KCNIP4: variants seen among roughly 807,000 people sequenced by gnomAD.
KCNIP4 encodes the protein potassium voltage-gated channel interacting protein 4.
Under a neutral mutation model 34.0 loss-of-function variants are expected in KCNIP4, and 12 were observed. That is an observed-to-expected ratio of 0.35 (90% CI 0.23 to 0.57). The LOEUF (loss-of-function observed/expected upper bound fraction) is 0.57. Among genes scored for constraint, KCNIP4 ranks in the 20% least tolerant of loss-of-function variants. KCNIP4 has a pLI of 0.83. For missense variants in KCNIP4, 238 were observed against 311.7 expected, an observed-to-expected ratio of 0.76 and a Z score of 1.78; for synonymous variants, 124 against 102.2, an observed-to-expected ratio of 1.21 and a Z score of -1.29.
At chr4:21,772,579 A>G (rs990688548) in intron 1 of KCNIP4, among the ~76,000 whole-genome samples, 6 of 152,084 alleles carry the variant, frequency 3.9e-5, no homozygotes, top group African/African-American at 1.4e-4. Context: ...TTGGTAGGCT[A>G]TTAATTACCG....
chr4:21,525,342 A>G (rs1016914196), intron 1 of KCNIP4, among the ~76,000 whole-genome samples: 6 of 152,140 alleles, frequency 3.9e-5, no homozygotes, highest in Non-Finnish European at 5.9e-5. Flanking sequence ...GACAATTTGT[A>G]GGTATTCTGT....
chr4:21,382,383 A>C (rs1366858561), intron 1 of KCNIP4, among the ~76,000 whole-genome samples: 1 of 152,180 alleles, frequency 6.6e-6, no homozygotes, highest in African/African-American at 2.4e-5. Context: ...ACTCATATTA[A>C]AATTGAGGAT....
intron 1 of KCNIP4, among the ~76,000 whole-genome samples, chr4:21,221,208 C>T (rs985999494): frequency 4.6e-5 from 7 of 152,022 alleles, no homozygotes; most frequent in African/African-American, 1.2e-4. Context: ...TTTTTGAGGG[C>T]AGGGGTTATT....
intron 3 of KCNIP4, among the ~76,000 whole-genome samples, chr4:20,779,696 C>T (rs1578599731): frequency 6.6e-6 from 1 of 151,586 alleles, no homozygotes; most frequent in African/African-American, 2.4e-5. Flanking sequence ...TAGGCTATCC[C>T]AATTGTCCTT....
At chr4:21,097,391 G>A (rs1371523429) in intron 1 of KCNIP4, among the ~76,000 whole-genome samples, 3 of 152,162 alleles carry the variant, frequency 2.0e-5, no homozygotes, top group East Asian at 1.9e-4. Context: ...TCATTTTATT[G>A]TGCCTTGCAG....
intron 1 of KCNIP4, among the ~76,000 whole-genome samples, chr4:21,439,778 A>T (rs184794435): frequency 1.9e-3 from 288 of 152,232 alleles, no homozygotes; most frequent in African/African-American, 6.2e-3. Context: ...AATGTGGTTG[A>T]TCCGTAAAAC....
chr4:20,888,941 T>A (rs1725613337), intron 1 of KCNIP4, among the ~76,000 whole-genome samples: 1 of 152,186 alleles, frequency 6.6e-6, no homozygotes, highest in Non-Finnish European at 1.5e-5. Flanking sequence ...CTCCCACAGC[T>A]TACTACAGAA....
At chr4:21,690,044 C>T (rs1466375853) in intron 1 of KCNIP4, among the ~76,000 whole-genome samples, 1 of 150,062 alleles carries the variant, frequency 6.7e-6, no homozygotes, top group African/African-American at 2.4e-5. Flanking sequence ...TAGGGACTTG[C>T]TAAAAACTGA....
chr4:20,761,355 AACAACCAATAGCT>A lies in KCNIP4; in HGVS notation c.289-2478_289-2466del, dbSNP rs1754942291. ...AAGGACCCTAATACATAAATGAATT[AACAACCAATAGCT>A]ACAACTCCAAAGGTGGTATGTATAC... On this transcript the variant is annotated intron_variant, in intron 3 of 8. Transcript: ENST00000382152. Among the ~76,000 whole-genome samples, 7 of 152,338 alleles carry A rather than the reference AACAACCAATAGCT, an allele frequency of 4.6e-5. No individual in the cohort carries two copies. The South Asian group carries it at 1.5e-3, about 32-fold the overall frequency.
At chr4:20,944,799 A>G (rs1732022116) in intron 1 of KCNIP4, among the ~76,000 whole-genome samples, 1 of 152,198 alleles carries the variant, frequency 6.6e-6, no homozygotes, top group Non-Finnish European at 1.5e-5. Flanking sequence ...GACAAGATCT[A>G]TTCACTAACT....
intron 1 of KCNIP4, among the ~76,000 whole-genome samples, chr4:20,892,568 C>T (rs1726041231): frequency 6.6e-6 from 1 of 152,016 alleles, no homozygotes; most frequent in Non-Finnish European, 1.5e-5. Flanking sequence ...CTGTCTCTAC[C>T]CCGACTCAGT....
chr4:21,015,722 T>A (rs910236058), intron 1 of KCNIP4, among the ~76,000 whole-genome samples: 9 of 134,664 alleles, frequency 6.7e-5, no homozygotes, highest in African/African-American at 2.2e-4. Context: ...TATATATTTT[T>A]ATTTCTAGAT....
intron 1 of KCNIP4, among the ~76,000 whole-genome samples, chr4:21,806,413 G>A (rs886887683): frequency 2.6e-5 from 4 of 152,074 alleles, no homozygotes; most frequent in Non-Finnish European, 4.4e-5. Context: ...TGTTACTTGT[G>A]TACTCAGAAG....
At chr4:21,398,574 C>CA (rs1486587967) in intron 1 of KCNIP4, among the ~76,000 whole-genome samples, 28 of 152,308 alleles carry the variant, frequency 1.8e-4, no homozygotes, top group African/African-American at 6.7e-4. Context: ...TGCACATGTA[C>CA]GTTTGCATAC....
intron 1 of KCNIP4, among the ~76,000 whole-genome samples, chr4:21,420,098 A>G (rs1307918931): frequency 6.6e-6 from 1 of 152,178 alleles, no homozygotes; most frequent in East Asian, 1.9e-4. Context: ...CACGAAATAG[A>G]CAGACACTGT....
intron 1 of KCNIP4, among the ~76,000 whole-genome samples, chr4:21,449,221 C>T (rs994766021): frequency 6.6e-6 from 1 of 152,104 alleles, no homozygotes; most frequent in East Asian, 1.9e-4. Flanking sequence ...TTTAAAATTG[C>T]CTGTGACTCT....
chr4:21,498,084 T>C (rs1732999691), intron 1 of KCNIP4, among the ~76,000 whole-genome samples: 1 of 152,194 alleles, frequency 6.6e-6, no homozygotes, highest in Admixed American at 6.5e-5. Flanking sequence ...AATTTACAGA[T>C]ATTTATAAAT....
At chr4:21,345,745 A>T (rs571284578) in intron 1 of KCNIP4, among the ~76,000 whole-genome samples, 9 of 152,188 alleles carry the variant, frequency 5.9e-5, no homozygotes, top group African/African-American at 2.2e-4. Context: ...TTAGCAGAGA[A>T]TGCACAAATT....
At chr4:21,236,277 T>C (rs1759352981) in intron 1 of KCNIP4, among the ~76,000 whole-genome samples, 1 of 152,186 alleles carries the variant, frequency 6.6e-6, no homozygotes, top group African/African-American at 2.4e-5. Flanking sequence ...ATATAAATAA[T>C]ATAGATGGCA....
Sources: allele counts gnomAD v4.1 joint callset (sites outside exome capture counted in the v4.1 genomes callset), GRCh38; gene constraint gnomAD v4.1.1; transcripts MANE v1.5; gene names NCBI Gene and HGNC (gene_info 2026-07-23, HGNC 2026-07-21).